ASIC2: variants seen among roughly 807,000 people sequenced by gnomAD.
ASIC2 encodes the protein acid sensing ion channel subunit 2.
A neutral mutation model predicts 57.3 loss-of-function variants in ASIC2; 25 were observed. The observed-to-expected ratio is 0.44, with a 90% CI of 0.32 to 0.61. ASIC2 has a LOEUF of 0.61. ASIC2 is among the 20% of genes least tolerant of loss of function. The probability of loss-of-function intolerance (pLI) is 0.06; values close to 1 mark genes in which losing one functional copy is unlikely to be tolerated. For synonymous variants in ASIC2, 319 were observed against 307.5 expected, an observed-to-expected ratio of 1.04 and a Z score of -0.39; for missense variants, 641 against 738.1, an observed-to-expected ratio of 0.87 and a Z score of 1.52.
At chr17:34,117,150 A>G (rs1213365701) in intron 1 of ASIC2, among the ~76,000 whole-genome samples, 1 of 152,150 alleles carries the variant, frequency 6.6e-6, no homozygotes, top group African/African-American at 2.4e-5. Flanking sequence ...AGGATTTTTC[A>G]TTCATTTAAC....
At chr17:33,895,524 G>C (rs1915075370) in intron 1 of ASIC2, among the ~76,000 whole-genome samples, 1 of 152,168 alleles carries the variant, frequency 6.6e-6, no homozygotes, top group South Asian at 2.1e-4. Context: ...GCCATTCTGG[G>C]CTTGTAGTGC....
intron 1 of ASIC2, among the ~76,000 whole-genome samples, chr17:33,715,955 C>T (rs1909206925): frequency 6.6e-6 from 1 of 152,164 alleles, no homozygotes; most frequent in Non-Finnish European, 1.5e-5. Flanking sequence ...ACACCGCCAA[C>T]AGCTTGATCG....
intron 3 of ASIC2, among the ~76,000 whole-genome samples, chr17:33,054,476 T>C (rs2091990131): frequency 6.6e-6 from 1 of 152,238 alleles, no homozygotes; most frequent in African/African-American, 2.4e-5. Context: ...CAGGATTCTA[T>C]GATTTTACCA....
At chr17:33,515,739 T>C (rs1914546112) in intron 1 of ASIC2, among the ~76,000 whole-genome samples, 1 of 152,236 alleles carries the variant, frequency 6.6e-6, no homozygotes, top group Non-Finnish European at 1.5e-5. Flanking sequence ...GAGGCTTCAA[T>C]AGTCCCAGAT....
At chr17:33,741,919 T>G (rs796158002) in intron 1 of ASIC2, among the ~76,000 whole-genome samples, 27 of 152,272 alleles carry the variant, frequency 1.8e-4, no homozygotes, top group African/African-American at 6.5e-4. Context: ...AATTCTTAGC[T>G]TAGTGGCCTA....
At chr17:33,427,733 C>G (rs1294361526) in intron 1 of ASIC2, among the ~76,000 whole-genome samples, 1 of 152,198 alleles carries the variant, frequency 6.6e-6, no homozygotes, top group African/African-American at 2.4e-5. Context: ...ACTAGAGATA[C>G]CTGGTATGGA....
chr17:33,457,218 C>T (rs959307865), intron 1 of ASIC2, among the ~76,000 whole-genome samples: 1 of 150,028 alleles, frequency 6.7e-6, no homozygotes, highest in Non-Finnish European at 1.5e-5. Flanking sequence ...CTTTCTTTTC[C>T]TTTGTAAATT....
intron 1 of ASIC2, among the ~76,000 whole-genome samples, chr17:33,890,291 A>G (rs1914930603): frequency 6.6e-6 from 1 of 152,166 alleles, no homozygotes; most frequent in Non-Finnish European, 1.5e-5. Flanking sequence ...TATAACACCA[A>G]CTGGCTCCCA....
intron 1 of ASIC2, among the ~76,000 whole-genome samples, chr17:33,545,707 A>C (rs1915555374): frequency 6.6e-6 from 1 of 152,164 alleles, no homozygotes; most frequent in Admixed American, 6.6e-5. Flanking sequence ...TCCTTCAATC[A>C]GTCCTATTTA....
chr17:33,929,176 G>C lies in ASIC2; in HGVS notation c.555+226802C>G, dbSNP rs530757447. 2.0e-5 allele frequency among the ~76,000 whole-genome samples: 3 copies of C among 152,196 alleles called. No homozygotes were observed. In the South Asian group the frequency reaches 6.2e-4, roughly 32 times the overall value. The stretch of plus-strand genomic sequence containing the variant: ...TCAGAATCTGCAGGAGACTGGCTCA[G>C]CTCACCATTCCACTGTTTTGTTCCC... On this transcript the variant is annotated intron_variant, in intron 1 of 9. Transcript: ENST00000359872.
intron 1 of ASIC2, among the ~76,000 whole-genome samples, chr17:33,384,239 T>C (rs1909592802): frequency 6.6e-6 from 1 of 152,244 alleles, no homozygotes; most frequent in South Asian, 2.1e-4. Context: ...ATGATTGCCC[T>C]TTCCAAATAC....
At chr17:33,340,110 CA>C (rs1407893752) in intron 1 of ASIC2, among the ~76,000 whole-genome samples, 1 of 152,138 alleles carries the variant, frequency 6.6e-6, no homozygotes, top group Non-Finnish European at 1.5e-5. Context: ...AACCAATTGC[CA>C]CAAATGTGGA....
intron 1 of ASIC2, among the ~76,000 whole-genome samples, chr17:33,260,024 G>C (rs765413633): frequency 1.3e-5 from 2 of 152,194 alleles, no homozygotes; most frequent in Non-Finnish European, 2.9e-5. Context: ...GGCAGTCCCA[G>C]CTACTTGGGA....
At chr17:34,027,402 G>A (rs1029892980) in intron 1 of ASIC2, among the ~76,000 whole-genome samples, 2 of 152,080 alleles carry the variant, frequency 1.3e-5, no homozygotes, top group Admixed American at 6.5e-5. Flanking sequence ...ATGTCATCAC[G>A]GGTCAGACTT....
intron 1 of ASIC2, among the ~76,000 whole-genome samples, chr17:33,134,117 T>C (rs1287448833): frequency 6.6e-6 from 1 of 152,190 alleles, no homozygotes; most frequent in Non-Finnish European, 1.5e-5. Context: ...GGGAAGATAT[T>C]GAGCAAGTAA....
At chr17:33,439,267 G>A (rs1477126194) in intron 1 of ASIC2, among the ~76,000 whole-genome samples, 3 of 152,126 alleles carry the variant, frequency 2.0e-5, no homozygotes, top group African/African-American at 7.2e-5. Context: ...GAGTGAAAGG[G>A]GACAAGGCCT....
At chr17:33,108,736 T>A (rs1041953561) in intron 2 of ASIC2, among the ~76,000 whole-genome samples, 1 of 152,182 alleles carries the variant, frequency 6.6e-6, no homozygotes, top group African/African-American at 2.4e-5. Flanking sequence ...GGAGCCCTAA[T>A]GCAGGAATTC....
At chr17:33,888,029 A>C (rs1281324712) in intron 1 of ASIC2, among the ~76,000 whole-genome samples, 2 of 152,142 alleles carry the variant, frequency 1.3e-5, no homozygotes, top group African/African-American at 2.4e-5. Context: ...TGTAAGTCAA[A>C]TCATCCTAAA....
chr17:33,089,771 T>A (rs1481455106), intron 2 of ASIC2, among the ~76,000 whole-genome samples: 1 of 152,228 alleles, frequency 6.6e-6, no homozygotes, highest in East Asian at 1.9e-4. Context: ...TGCCAAGGTG[T>A]TTGCCCCTTG....
Sources: allele counts gnomAD v4.1 joint callset (sites outside exome capture counted in the v4.1 genomes callset), GRCh38; gene constraint gnomAD v4.1.1; transcripts MANE v1.5; gene names NCBI Gene and HGNC (gene_info 2026-07-23, HGNC 2026-07-21).